PLXNA4: variants seen among roughly 807,000 people sequenced by gnomAD.
PLXNA4 encodes plexin-A4.
In PLXNA4, 44 loss-of-function variants were observed where a neutral mutation model predicts 191.8. The observed-to-expected ratio is 0.23, with a 90% CI of 0.18 to 0.29. The LOEUF (loss-of-function observed/expected upper bound fraction) is 0.29. Ranked by LOEUF, PLXNA4 falls within the 10% of genes least tolerant of loss-of-function variation. PLXNA4 has a pLI of 1.00. For synonymous variants in PLXNA4, 1,082 were observed against 1,009.5 expected (o/e 1.07, Z -1.36); for missense variants, 1,800 against 2,488.8 (o/e 0.72, Z 5.89).
intron 28 of PLXNA4, 52 bp downstream of exon 28, chr7:132,146,458 G>C (rs1008770550): frequency 1.1e-5 from 18 of 1,613,954 alleles, no homozygotes; most frequent in Non-Finnish European, 1.1e-5. Flanking sequence ...GGCTGATGAA[G>C]TCCCTCTCCA....
intron 29 of PLXNA4, among the ~76,000 whole-genome samples, chr7:132,141,892 G>A (rs1795281936): frequency 6.6e-6 from 1 of 152,080 alleles, no homozygotes; most frequent in African/African-American, 2.4e-5. Flanking sequence ...ACCACACTCA[G>A]CTAATTTTTA....
At chr7:132,151,306 G>GGAGGAA (rs1448910123) in intron 25 of PLXNA4, among the ~76,000 whole-genome samples, 1,480 of 54,254 alleles carry the variant, frequency 0.027, 230 homozygotes, top group African/African-American at 0.044. Context: ...AGAAGGAGGA[G>GGAGGAA]GAAGAAGGAG....
intron 3 of PLXNA4, among the ~76,000 whole-genome samples, chr7:132,323,285 T>TG (rs1802246856): frequency 1.3e-5 from 2 of 152,196 alleles, no homozygotes; most frequent in East Asian, 3.9e-4. Flanking sequence ...AACCGAAGGA[T>TG]TGAGAGACAT....
At chr7:132,485,051 G>A (rs1248303648) in intron 3 of PLXNA4, 2 of 1,595,066 alleles carry the variant, frequency 1.3e-6, no homozygotes, top group Non-Finnish European at 1.7e-6. Flanking sequence ...AAACAGGCTT[G>A]AGAAAAAAAA....
At position 132,227,478 on chromosome 7, in the gene PLXNA4, C is replaced by T. The variant is rs1294845378; in HGVS notation, c.1855G>A (p.Glu619Lys). Residue 619 changes from glutamate to lysine, a missense_variant, in exon 7 of 32, where the codon GAG becomes AAG. Physicochemically the swap from Glu to Lys is moderately conservative, Grantham distance 56. This residue lies in a region of PLXNA4 where 1,397 missense variants were observed against 1,880.4 expected (regional missense o/e 0.74). Transcript: ENST00000321063. ...TTCTCTGTGATGATCCGGGGCACCT[C>T]CTTGGCTGCAGGGGAGTAGCACTGG... is the stretch of plus-strand genomic sequence containing the variant. ...QIQCYSPAAK[E>K]VPRIITENGD... is the part of the protein sequence containing the mutation. 6.2e-7 allele frequency: 1 copy of T among 1,614,194 alleles called. No individual in the cohort carries two copies. The highest frequency in any genetic ancestry group is 1.1e-5 in the South Asian group (1 of 91,084).
At chr7:132,604,852 G>A (rs7779310) in intron 2 of PLXNA4, among the ~76,000 whole-genome samples, 5 of 152,182 alleles carry the variant, frequency 3.3e-5, no homozygotes, top group South Asian at 2.1e-4. Flanking sequence ...ATATGACTCC[G>A]CTTGCACCGG....
At chr7:132,585,329 T>A (rs542946441) in intron 2 of PLXNA4, among the ~76,000 whole-genome samples, 1 of 152,252 alleles carries the variant, frequency 6.6e-6, no homozygotes, top group African/African-American at 2.4e-5. Context: ...AACATTTAGA[T>A]AGCAACAGGT....
intron 2 of PLXNA4, among the ~76,000 whole-genome samples, chr7:132,591,234 G>T (rs1477997933): frequency 1.3e-5 from 2 of 152,228 alleles, no homozygotes; most frequent in Admixed American, 1.3e-4. Context: ...CAGGGCCCAT[G>T]TTGGGGACAA....
chr7:132,435,553 G>A (rs926395078), intron 3 of PLXNA4, among the ~76,000 whole-genome samples: 1 of 152,168 alleles, frequency 6.6e-6, no homozygotes, highest in African/African-American at 2.4e-5. Flanking sequence ...GGGGAGGTGA[G>A]AAAGAACAAT....
intron 3 of PLXNA4, among the ~76,000 whole-genome samples, chr7:132,470,772 G>T (rs769544440): frequency 1.3e-5 from 2 of 152,192 alleles, no homozygotes; most frequent in Non-Finnish European, 2.9e-5. Flanking sequence ...CGGAGGAAGA[G>T]AACTGTAGCT....
rs78048825 is a variant in PLXNA4, at chr7:132,171,562, G to A, written c.4018-2990C>T. On this transcript the variant is annotated intron_variant, in intron 21 of 31. Transcript: ENST00000321063. ...GTTTAGCACTATGGCATTTAGAGAG[G>A]TGGAAGAGGACATGGGTTGGCTAGA... Among the ~76,000 whole-genome samples the A allele has an allele frequency of 0.011, 1,638 of 152,320 alleles. 119 individuals are homozygous for A. In the East Asian group the frequency reaches 0.21, roughly 19 times the overall value.
At chr7:132,365,899 C>G (rs968747593) in intron 3 of PLXNA4, 2 of 152,164 alleles carry the variant, frequency 1.3e-5, no homozygotes, top group African/African-American at 4.8e-5. Context: ...CTTCACAGTC[C>G]CTGGGGTGCC....
intron 5 of PLXNA4, among the ~76,000 whole-genome samples, chr7:132,231,485 C>T (rs989748983): frequency 3.3e-5 from 5 of 152,106 alleles, no homozygotes; most frequent in Admixed American, 2.6e-4. Flanking sequence ...AATGCAGTGG[C>T]GTAATCTCAG....
At chr7:132,312,560 T>G (rs1221741627) in intron 3 of PLXNA4, among the ~76,000 whole-genome samples, 1 of 152,214 alleles carries the variant, frequency 6.6e-6, no homozygotes, top group Non-Finnish European at 1.5e-5. Context: ...ATATATCCAT[T>G]TATCCATTTG....
intron 9 of PLXNA4, among the ~76,000 whole-genome samples, chr7:132,213,528 T>C (rs1278953382): frequency 2.0e-5 from 3 of 150,742 alleles, no homozygotes; most frequent in Middle Eastern, 3.4e-3. Context: ...CAGTAGCCAC[T>C]TGGGGAGAGT....
At chr7:132,301,102 C>T (rs921128945) in intron 3 of PLXNA4, among the ~76,000 whole-genome samples, 1 of 152,184 alleles carries the variant, frequency 6.6e-6, no homozygotes, top group Admixed American at 6.5e-5. Context: ...TAGTCCCCAC[C>T]CTCTGCACTC....
intron 4 of PLXNA4, among the ~76,000 whole-genome samples, chr7:132,293,380 G>A (rs535481080): frequency 3.9e-5 from 6 of 152,270 alleles, no homozygotes; most frequent in East Asian, 3.9e-4. Flanking sequence ...GACAGAATGA[G>A]AGCCAAGCAA....
chr7:132,175,175 G>T (rs1796417153), intron 20 of PLXNA4, among the ~76,000 whole-genome samples: 1 of 152,172 alleles, frequency 6.6e-6, no homozygotes, highest in Non-Finnish European at 1.5e-5. Flanking sequence ...ATGATGTGGG[G>T]TGGTGGCTGA....
At chr7:132,263,427 C>T (rs1799727515) in intron 4 of PLXNA4, among the ~76,000 whole-genome samples, 1 of 152,224 alleles carries the variant, frequency 6.6e-6, no homozygotes, top group South Asian at 2.1e-4. Flanking sequence ...CTACTGTTTA[C>T]TAGAGACATG....
Sources: allele counts gnomAD v4.1 joint callset (sites outside exome capture counted in the v4.1 genomes callset), GRCh38; gene constraint gnomAD v4.1.1; regional missense constraint gnomAD v4.1.1; transcripts MANE v1.5; gene names NCBI Gene and HGNC (gene_info 2026-07-23, HGNC 2026-07-21).